The following KDM2A variants were observed in gnomAD, a reference collection of about 807,000 sequenced individuals.
KDM2A encodes the protein lysine demethylase 2A, also known as lysine-specific demethylase 2A.
KDM2A carries 3 observed loss-of-function variants against 137.3 expected under a neutral mutation model. That is an observed-to-expected ratio of 0.02 (90% CI 0.01 to 0.06). The LOEUF (loss-of-function observed/expected upper bound fraction) is 0.06. KDM2A is among the 10% of genes least tolerant of loss of function. KDM2A has a pLI of 1.00. For missense variants in KDM2A, 738 were observed against 1,510.6 expected, an observed-to-expected ratio of 0.49 and a Z score of 8.48; for synonymous variants, 512 against 541.5, an observed-to-expected ratio of 0.95 and a Z score of 0.76.
intron 2 of KDM2A, among the ~76,000 whole-genome samples, chr11:67,178,122 T>G (rs1857010509): frequency 1.3e-5 from 2 of 152,260 alleles, no homozygotes; most frequent in Non-Finnish European, 2.9e-5. Context: ...AGTGTACAAG[T>G]CAGCTGGGTA....
Position 67,254,186 on chromosome 11 carries a change from T to G in KDM2A, c.3092-17T>G. 1 of 1,605,912 alleles carries G rather than the reference T, an allele frequency of 6.2e-7. No individual in the cohort carries two copies. The highest frequency in any genetic ancestry group is 8.5e-7 in the Non-Finnish European group (1 of 1,174,080). ...GAATTGAGAGTTTTGATCTAGGCTC[T>G]TCTCTTGCCTGTACAGGTCAGGACA... On this transcript the variant is annotated splice_polypyrimidine_tract_variant and intron_variant, in intron 19 of 20. Transcript: ENST00000529006. This position sits in a 1 kb window ranked among gnomAD's most constrained non-coding sequence, Gnocchi z 4.7.
intron 5 of KDM2A, among the ~76,000 whole-genome samples, chr11:67,192,262 C>G (rs1857373693): frequency 6.6e-6 from 1 of 152,044 alleles, no homozygotes; most frequent in African/African-American, 2.4e-5. Flanking sequence ...ATGCATATTG[C>G]TTTGCATGTT....
At position 67,157,317 on chromosome 11, in the gene KDM2A, C is replaced by CAAA. The variant is rs1228008293; in HGVS notation, c.43-22750_43-22748dup. Among the ~76,000 whole-genome samples, 33 of 42,192 alleles carry CAAA rather than the reference C, an allele frequency of 7.8e-4. 2 individuals carry two copies. Among genetic ancestry groups the CAAA allele is most frequent in the African/African-American group, 8.9e-4 (14 of 15,782 alleles). 27.7% of individuals were successfully genotyped at this position (42,192 alleles called of 152,430 possible). On this transcript the variant is annotated intron_variant, in intron 2 of 20. Coordinates refer to ENST00000529006, the MANE Select transcript of KDM2A (RefSeq NM_012308.3). ...GGGCGACAGAGCAAGACTCCCGTCT[C>CAAA]AAAAAAAAAAAAAACAAAAAACACC...
At chr11:67,147,651 TG>T in intron 2 of KDM2A, among the ~76,000 whole-genome samples, 1 of 151,878 alleles carries the variant, frequency 6.6e-6, no homozygotes, top group East Asian at 1.9e-4. Flanking sequence ...GGGCTTTCTC[TG>T]GAGACTGAGT....
intron 2 of KDM2A, among the ~76,000 whole-genome samples, chr11:67,143,017 A>G (rs987165603): frequency 7.1e-6 from 1 of 140,686 alleles, no homozygotes; most frequent in Non-Finnish European, 1.5e-5. Context: ...ATATATATCT[A>G]TTCTTTTTTT....
intron 5 of KDM2A, among the ~76,000 whole-genome samples, chr11:67,186,792 G>A (rs946387433): frequency 4.6e-5 from 7 of 152,160 alleles, no homozygotes; most frequent in African/African-American, 1.7e-4. Flanking sequence ...GTAGAACGGG[G>A]TATAGTGGTA....
At chr11:67,136,496 A>G (rs950513763) in intron 2 of KDM2A, among the ~76,000 whole-genome samples, 1 of 152,192 alleles carries the variant, frequency 6.6e-6, no homozygotes, top group African/African-American at 2.4e-5. Flanking sequence ...TGTACTAAGC[A>G]TTTTATTTGG....
chr11:67,159,493 A>G (rs1193673004), intron 2 of KDM2A, among the ~76,000 whole-genome samples: 3 of 152,230 alleles, frequency 2.0e-5, no homozygotes, highest in African/African-American at 4.8e-5. Context: ...TGTTTCCCAG[A>G]TGATTGAGCA....
intron 10 of KDM2A, among the ~76,000 whole-genome samples, chr11:67,227,034 T>G (rs754924206): frequency 1.3e-5 from 2 of 152,230 alleles, no homozygotes; most frequent in Non-Finnish European, 2.9e-5. Flanking sequence ...TCTGTGCTGA[T>G]TTGTCCTTTC....
Position 67,256,424 on chromosome 11 carries a change from CAGT to C in KDM2A, c.*1372_*1374del, listed in dbSNP as rs1448013796. ...ATTTTTAAGTGTGTGAGGAGATGCT[CAGT>C]AGCAGCAGCCTATGGCAAGAGCTTA... On this transcript the variant is annotated 3_prime_UTR_variant, in exon 21 of 21. Transcript: ENST00000529006. 2.0e-5 allele frequency: 3 copies of C among 152,486 alleles called. No individual in the cohort carries two copies. Among genetic ancestry groups the C allele is most frequent in the Non-Finnish European group, 4.4e-5 (3 of 68,016 alleles). 9.4% of individuals were successfully genotyped at this position (152,486 alleles called of 1,614,324 possible).
At chr11:67,201,034 T>C (rs999761426) in intron 5 of KDM2A, among the ~76,000 whole-genome samples, 13 of 150,508 alleles carry the variant, frequency 8.6e-5, no homozygotes, top group Non-Finnish European at 1.9e-4. Context: ...CTACTGAAAA[T>C]AGAAAAAAAA....
chr11:67,231,971 G>T lies in KDM2A; in HGVS notation c.1479+11G>T, dbSNP rs1236711587. On this transcript the variant is annotated intron_variant, in intron 12 of 20. Transcript: ENST00000529006. ...ATTGCTGATGTAAAGGTAAGGGTTT[G>T]ATGTGTTACATGACAGCTACTGATC... 2 of 1,599,500 alleles carry T rather than the reference G, an allele frequency of 1.3e-6. No individual in the cohort carries two copies. The highest frequency in any genetic ancestry group is 8.5e-7 in the Non-Finnish European group (1 of 1,172,816).
chr11:67,248,542 TAG>T, intron 16 of KDM2A, 172 bp downstream of exon 16: 1 of 568,538 alleles, frequency 1.8e-6, no homozygotes, highest in Non-Finnish European at 3.1e-6. Flanking sequence ...TTTTCTTTGT[TAG>T]AGTTTGTAGC....
chr11:67,217,641 T>A lies in KDM2A; in HGVS notation c.688-90T>A. ...AATTGCTTGCCTTTCTTCTACCTGG[T>A]GGTCTTAATTTTGTACCTGTTTATC... On this transcript the variant is annotated intron_variant, in intron 8 of 20. Transcript: ENST00000529006. 6 of 1,290,884 alleles carry A rather than the reference T, an allele frequency of 4.6e-6. No homozygotes were observed. In the East Asian group the frequency reaches 1.2e-4, roughly 26 times the overall value. The allele number at this position is 1,290,884 out of a possible 1,614,324, so 80.0% of individuals were successfully genotyped here.
intron 5 of KDM2A, among the ~76,000 whole-genome samples, chr11:67,200,507 G>A (rs887829766): frequency 9.3e-5 from 14 of 150,504 alleles, no homozygotes; most frequent in African/African-American, 2.7e-4. Flanking sequence ...GTGAGCGACC[G>A]TGCCCAGCCT....
intron 6 of KDM2A, among the ~76,000 whole-genome samples, chr11:67,214,700 G>A (rs1451818175): frequency 3.3e-5 from 5 of 152,062 alleles, no homozygotes; most frequent in Non-Finnish European, 7.4e-5. Flanking sequence ...TTAAACTCCT[G>A]GGTTCAAGTG....
At chr11:67,151,036 G>C (rs779774909) in intron 2 of KDM2A, among the ~76,000 whole-genome samples, 2 of 152,120 alleles carry the variant, frequency 1.3e-5, no homozygotes, top group African/African-American at 2.4e-5. Flanking sequence ...TTTGCTTGGA[G>C]GATATCATGG....
chr11:67,121,084 T>C (rs1855588671), intron 1 of KDM2A, 150 bp from the exon 2 acceptor site: 1 of 532,414 alleles, frequency 1.9e-6, no homozygotes, highest in Non-Finnish European at 3.3e-6. Context: ...ATGGAACCAC[T>C]TGCCCAAGAG....
chr11:67,159,319 A>T (rs1373752651), intron 2 of KDM2A, among the ~76,000 whole-genome samples: 1 of 152,196 alleles, frequency 6.6e-6, no homozygotes, highest in Non-Finnish European at 1.5e-5. Flanking sequence ...TGTCAAAGAT[A>T]ATTATCTGTA....
Sources: allele counts gnomAD v4.1 joint callset (sites outside exome capture counted in the v4.1 genomes callset), GRCh38; gene constraint gnomAD v4.1.1; non-coding constraint Gnocchi (gnomAD v3.1); transcripts MANE v1.5; gene names NCBI Gene and HGNC (gene_info 2026-07-23, HGNC 2026-07-21).